ST7L: variants seen among roughly 807,000 people sequenced by gnomAD.
ST7L encodes the protein suppression of tumorigenicity 7 like.
In ST7L, 57 loss-of-function variants were observed where a neutral mutation model predicts 72.5. The observed-to-expected ratio is 0.79, with a 90% confidence interval of 0.64 to 0.98. ST7L has a LOEUF of 0.98. ST7L is among the 50% of genes least tolerant of loss of function. The pLI, the probability that ST7L is intolerant of heterozygous loss-of-function variation, is 0.00. For missense variants in ST7L, 576 were observed against 672.2 expected (o/e 0.86, Z 1.58); for synonymous variants, 221 against 240.9 (o/e 0.92, Z 0.77).
downstream of ST7L, chr1:112,520,768 G>A (rs991562097): frequency 1.9e-6 from 1 of 529,486 alleles, no homozygotes; most frequent in African/African-American, 1.9e-5. Flanking sequence ...GAAGAGATAG[G>A]GGGTCTTTAG....
At chr1:112,540,549 C>T in intron 14 of ST7L, 1 of 985,400 alleles carries the variant, frequency 1.0e-6, no homozygotes, top group Non-Finnish European at 1.2e-6. Flanking sequence ...AAGTTTGACC[C>T]AGAATCAAGT....
rs1471762832 is a variant in ST7L, at chr1:112,618,819, A to G, written c.205+90T>C. 8.0e-6 allele frequency: 12 copies of G among 1,504,690 alleles called. No individual in the cohort carries two copies. The Middle Eastern group carries it at 7.5e-4, about 94-fold the overall frequency. The allele number at this position is 1,504,690 out of a possible 1,614,324, so 93.2% of individuals were successfully genotyped here. ...ATCATCGACTCCTCAGAGGCCCTCT[A>G]GGACTACCGAGAATCTCTTGCCCTT... On this transcript the variant is annotated intron_variant, in intron 1 of 14. Coordinates refer to ENST00000358039, the MANE Select transcript of ST7L (RefSeq NM_017744.5).
intron 14 of ST7L, among the ~76,000 whole-genome samples, chr1:112,538,553 C>T (rs993013943): frequency 1.3e-5 from 2 of 152,188 alleles, no homozygotes; most frequent in African/African-American, 2.4e-5. Context: ...CCATGTTACC[C>T]GGGCTGGTCA....
chr1:112,584,430 G>C (rs1664583073), intron 6 of ST7L, among the ~76,000 whole-genome samples: 1 of 151,096 alleles, frequency 6.6e-6, no homozygotes, highest in Non-Finnish European at 1.5e-5. Context: ...TTTTGTGAAA[G>C]GGGGGAGAAA....
At chr1:112,555,324 GGGAGGCAGAGGTGGGC>G (rs1202262689) in intron 12 of ST7L, among the ~76,000 whole-genome samples, 2 of 152,154 alleles carry the variant, frequency 1.3e-5, no homozygotes, top group Admixed American at 1.3e-4. Flanking sequence ...CCAGCACTTT[GGGAGGCAGAGGTGGGC>G]GGATCACGAG....
intron 3 of ST7L, among the ~76,000 whole-genome samples, chr1:112,608,979 GTATTATTACT>G (rs1389682523): frequency 1.3e-5 from 2 of 152,142 alleles, no homozygotes; most frequent in Admixed American, 1.3e-4. Flanking sequence ...TAACTCATTT[GTATTATTACT>G]ATATGGTTAT....
rs1349192894 is a variant in ST7L at position 112,525,822 on chromosome 1, C to T, written c.*191G>A. The T allele has an allele frequency of 1.5e-6, 1 of 683,698 alleles. No individual in the cohort carries two copies. The highest frequency in any genetic ancestry group is 1.8e-5 in the African/African-American group (1 of 55,846). The allele number at this position is 683,698 out of a possible 1,614,324, so 42.4% of individuals were successfully genotyped here. ...GAAGACAATTTCATCTACAGTTGTC[C>T]TTTTTGACAGCTTCCAAGGGGGGTT... On this transcript the variant is annotated 3_prime_UTR_variant, in exon 15 of 15. Transcript: ENST00000358039.
intron 3 of ST7L, among the ~76,000 whole-genome samples, chr1:112,602,610 T>G (rs1302168030): frequency 6.6e-6 from 1 of 152,244 alleles, no homozygotes; most frequent in East Asian, 1.9e-4. Flanking sequence ...AGCAATTGTT[T>G]GTGAGAACTG....
At chr1:112,580,512 C>T (rs1663926916) in intron 9 of ST7L, among the ~76,000 whole-genome samples, 1 of 152,066 alleles carries the variant, frequency 6.6e-6, no homozygotes, top group East Asian at 1.9e-4. Context: ...GCATAGTAAC[C>T]CCAAATTTTC....
At chr1:112,557,306 A>G (rs1416376009) in intron 11 of ST7L, among the ~76,000 whole-genome samples, 1 of 152,060 alleles carries the variant, frequency 6.6e-6, no homozygotes, top group Non-Finnish European at 1.5e-5. Context: ...ATCTCTATAG[A>G]TTTGCCTATT....
chr1:112,594,531 G>A (rs955035007), intron 5 of ST7L, among the ~76,000 whole-genome samples: 16 of 152,118 alleles, frequency 1.1e-4, no homozygotes, highest in African/African-American at 3.6e-4. Context: ...CTAGGGGAAG[G>A]TCCCCTCACA....
In ST7L at chr1:112,557,429, T is replaced by C. The variant is rs150552222; in HGVS notation, c.1246-1411A>G. Among the ~76,000 whole-genome samples the C allele has an allele frequency of 4.2e-3, 641 of 152,364 alleles. 10 individuals are homozygous for C. The highest frequency in any genetic ancestry group is 1.3e-3 in the Non-Finnish European group (89 of 68,040). On this transcript the variant is annotated intron_variant, in intron 11 of 14. Transcript: ENST00000358039. ...GCATGGGTACTTGTGCCTCATTTCT[T>C]CTTATGGCTGAATAATACTGCATTG...
intron 5 of ST7L, 113 bp downstream of exon 5, chr1:112,597,858 A>T (rs1666708794): frequency 1.6e-6 from 1 of 621,320 alleles, no homozygotes; most frequent in South Asian, 5.0e-5. Context: ...TAATATAAAC[A>T]ACTCCAAGCC....
chr1:112,537,230 C>G (rs1359227783), intron 14 of ST7L, among the ~76,000 whole-genome samples: 1 of 152,156 alleles, frequency 6.6e-6, no homozygotes, highest in African/African-American at 2.4e-5. Flanking sequence ...AACTCCTGAC[C>G]TCAAGTGATC....
intron 2 of ST7L, among the ~76,000 whole-genome samples, chr1:112,611,690 A>G (rs1045219881): frequency 3.9e-5 from 6 of 152,212 alleles, no homozygotes; most frequent in Non-Finnish European, 5.9e-5. Flanking sequence ...CTGTAATTCC[A>G]GCACTTTGGG....
chr1:112,542,812 T>G lies in ST7L; in HGVS notation c.1490-722A>C, dbSNP rs200019529. Among the ~76,000 whole-genome samples the G allele has an allele frequency of 4.2e-3, 638 of 150,454 alleles. 13 individuals are homozygous for G. The East Asian group carries it at 0.072, about 17-fold the overall frequency. On this transcript the variant is annotated intron_variant, in intron 13 of 14. Coordinates refer to ENST00000358039, the MANE Select transcript of ST7L (RefSeq NM_017744.5). ...ATACATTTGAGTTGCTACTTTTTTT[T>G]TTGAAGAAGAAGAGTCTCGCTCTGT...
chr1:112,593,053 T>C (rs1665938380), intron 5 of ST7L, among the ~76,000 whole-genome samples: 1 of 152,194 alleles, frequency 6.6e-6, no homozygotes, highest in African/African-American at 2.4e-5. Context: ...TCTTTGCTAA[T>C]TTAACACCTT....
intron 6 of ST7L, among the ~76,000 whole-genome samples, chr1:112,585,294 T>C (rs909057621): frequency 2.6e-5 from 4 of 152,228 alleles, no homozygotes; most frequent in African/African-American, 9.6e-5. Flanking sequence ...TTCTAGGCAT[T>C]AGCCACATGT....
intron 9 of ST7L, among the ~76,000 whole-genome samples, chr1:112,581,203 T>C (rs1371066164): frequency 1.3e-5 from 2 of 152,038 alleles, no homozygotes; most frequent in Non-Finnish European, 2.9e-5. Flanking sequence ...GCTCTTATAG[T>C]ATATACTGCT....
Sources: allele counts gnomAD v4.1 joint callset (sites outside exome capture counted in the v4.1 genomes callset), GRCh38; gene constraint gnomAD v4.1.1; transcripts MANE v1.5; gene names NCBI Gene and HGNC (gene_info 2026-07-23, HGNC 2026-07-21).